Variants in CHIC1 observed in about 807,000 individuals in gnomAD.
The protein encoded by CHIC1 is cysteine-rich hydrophobic domain-containing protein 1.
Under a neutral mutation model 18.5 loss-of-function variants are expected in CHIC1, and 7 were observed. That is an observed-to-expected ratio of 0.38 (90% CI 0.22 to 0.71). CHIC1 has a LOEUF of 0.71. Among genes scored for constraint, CHIC1 ranks in the 30% least tolerant of loss-of-function variants. The probability of loss-of-function intolerance (pLI) is 0.49; values close to 1 mark genes in which losing one functional copy is unlikely to be tolerated. For synonymous variants in CHIC1, 77 were observed against 73.5 expected, an observed-to-expected ratio of 1.05 and a Z score of -0.25; for missense variants, 159 against 176.9, an observed-to-expected ratio of 0.90 and a Z score of 0.57.
At chrX:73,616,427 C>T (rs1449911177) in intron 3 of CHIC1, among the ~76,000 whole-genome samples, 2 of 111,825 alleles carry the variant, frequency 1.8e-5, no homozygotes, top group Non-Finnish European at 3.8e-5. Flanking sequence ...GTCGGTGGAT[C>T]TACCACTCAG....
intron 3 of CHIC1, among the ~76,000 whole-genome samples, chrX:73,675,053 G>T (rs1350477558): frequency 1.8e-5 from 2 of 112,091 alleles, no homozygotes; most frequent in South Asian, 7.4e-4. Context: ...TTTTGAGTGA[G>T]TTTCTTAATC....
intron 3 of CHIC1, among the ~76,000 whole-genome samples, chrX:73,637,373 T>C (rs2057836285): frequency 9.1e-6 from 1 of 109,342 alleles, no homozygotes. Context: ...TTATCACACT[T>C]GGACATCATT....
chrX:73,667,832 G>T (rs1238740115), intron 3 of CHIC1, among the ~76,000 whole-genome samples: 2 of 110,659 alleles, frequency 1.8e-5, no homozygotes, highest in Non-Finnish European at 3.8e-5. Flanking sequence ...AGAATCTGAT[G>T]ATCATGCATT....
chrX:73,666,361 C>T (rs2058004501), intron 3 of CHIC1, among the ~76,000 whole-genome samples: 1 of 111,764 alleles, frequency 8.9e-6, no homozygotes. Context: ...AAGGAAAGAC[C>T]GTCCAAGTCC....
chrX:73,653,853 G>C (rs1330628217), intron 3 of CHIC1, among the ~76,000 whole-genome samples: 1 of 111,864 alleles, frequency 8.9e-6, no homozygotes, highest in African/African-American at 3.2e-5. Flanking sequence ...TTCTTTTTCA[G>C]ATTGTTTATT....
At chrX:73,568,339 G>T (rs1314083220) in intron 1 of CHIC1, among the ~76,000 whole-genome samples, 1 of 111,696 alleles carries the variant, frequency 9.0e-6, no homozygotes, top group Non-Finnish European at 1.9e-5. Flanking sequence ...TTCTTAAGAA[G>T]TAGAATGACC....
intron 3 of CHIC1, among the ~76,000 whole-genome samples, chrX:73,664,829 T>G (rs924071355): frequency 1.8e-5 from 2 of 111,243 alleles, no homozygotes; most frequent in Non-Finnish European, 3.8e-5. Flanking sequence ...CTGGTTGGCT[T>G]GTTGTTCGCA....
At chrX:73,627,608 T>C (rs920936720) in intron 3 of CHIC1, among the ~76,000 whole-genome samples, 50 of 112,147 alleles carry the variant, frequency 4.5e-4, no homozygotes, top group Admixed American at 4.3e-3. Flanking sequence ...CGAAGAATTC[T>C]ACCGGAGCAC....
At chrX:73,677,705 G>A (rs1028681592) in intron 3 of CHIC1, among the ~76,000 whole-genome samples, 15 of 112,184 alleles carry the variant, frequency 1.3e-4, no homozygotes, top group South Asian at 3.7e-4. Context: ...GTGATGCCTC[G>A]CCCTGCTTCG....
At chrX:73,678,013 TA>T (rs2058078252) in intron 3 of CHIC1, among the ~76,000 whole-genome samples, 1 of 108,966 alleles carries the variant, frequency 9.2e-6, no homozygotes. Context: ...TTTTTGTCCT[TA>T]CATTGATATC....
At chrX:73,611,067 C>T (rs1227003664) in intron 3 of CHIC1, among the ~76,000 whole-genome samples, 2 of 106,327 alleles carry the variant, frequency 1.9e-5, no homozygotes, top group Non-Finnish European at 3.8e-5. Context: ...ATGTGCACAA[C>T]GTGCCGGTTA....
intron 3 of CHIC1, among the ~76,000 whole-genome samples, chrX:73,588,804 AGTTT>A (rs1480842618): frequency 9.1e-6 from 1 of 109,686 alleles, no homozygotes; most frequent in Non-Finnish European, 1.9e-5. Context: ...CAATTCTAGG[AGTTT>A]GTTCATTTCG....
chrX:73,597,267 G>C (rs1336000780), intron 3 of CHIC1, among the ~76,000 whole-genome samples: 1 of 111,509 alleles, frequency 9.0e-6, no homozygotes, highest in African/African-American at 3.3e-5. Flanking sequence ...TCATTTGCTT[G>C]TTGAACATTT....
At chrX:73,617,077 A>G (rs1418355162) in intron 3 of CHIC1, among the ~76,000 whole-genome samples, 1 of 111,941 alleles carries the variant, frequency 8.9e-6, no homozygotes, top group Non-Finnish European at 1.9e-5. Flanking sequence ...TTTTAATAGC[A>G]CCCAAGTCAC....
chrX:73,641,015 T>A (rs2057853213), intron 3 of CHIC1, among the ~76,000 whole-genome samples: 1 of 111,884 alleles, frequency 8.9e-6, no homozygotes, highest in Admixed American at 9.5e-5. Context: ...GCCTTAGCCA[T>A]GTCCCAGAGA....
chrX:73,627,523 C>T (rs1026737450), intron 3 of CHIC1, among the ~76,000 whole-genome samples: 24 of 112,447 alleles, frequency 2.1e-4, no homozygotes, highest in Admixed American at 7.5e-4. Context: ...AACCATAAGA[C>T]GCAGTCCTTC....
chrX:73,616,098 G>A (rs1030367505), intron 3 of CHIC1, among the ~76,000 whole-genome samples: 2 of 110,634 alleles, frequency 1.8e-5, no homozygotes, highest in Admixed American at 9.6e-5. Context: ...CAGGCAGGAG[G>A]CAGTATAGTA....
intron 3 of CHIC1, among the ~76,000 whole-genome samples, chrX:73,660,191 G>T (rs905838120): frequency 3.6e-5 from 4 of 112,415 alleles, no homozygotes; most frequent in African/African-American, 1.3e-4. Context: ...TTACCATGAT[G>T]TAGCCATAAT....
intron 3 of CHIC1, among the ~76,000 whole-genome samples, chrX:73,639,995 A>T (rs1465638953): frequency 9.0e-6 from 1 of 111,080 alleles, no homozygotes; most frequent in African/African-American, 3.3e-5. Context: ...TGACTTCCTC[A>T]CTTTTTATTT....
Sources: gnomAD v4.1 joint callset for allele counts (sites outside exome capture counted in the v4.1 genomes callset) on GRCh38, gnomAD v4.1.1 for gene constraint, MANE v1.5 for transcripts, NCBI Gene and HGNC (gene_info 2026-07-23, HGNC 2026-07-21) for gene names.